Variants in PALD1 observed in about 807,000 individuals in gnomAD.
PALD1 encodes phosphatase domain containing paladin 1, also known as paladin.
In PALD1, 57 loss-of-function variants were observed where a neutral mutation model predicts 96.0. That is an observed-to-expected ratio of 0.59 (90% CI 0.48 to 0.74). The LOEUF (loss-of-function observed/expected upper bound fraction) is 0.74. Ranked by LOEUF, PALD1 falls within the 30% of genes least tolerant of loss-of-function variation. The pLI is 0.00. For missense variants in PALD1, 1,063 were observed against 1,143.7 expected, an observed-to-expected ratio of 0.93 and a Z score of 1.02; for synonymous variants, 464 against 473.6, an observed-to-expected ratio of 0.98 and a Z score of 0.26.
At chr10:70,484,427 C>T (rs1419671194) in intron 1 of PALD1, among the ~76,000 whole-genome samples, 2 of 152,180 alleles carry the variant, frequency 1.3e-5, no homozygotes, top group Admixed American at 1.3e-4. Flanking sequence ...AATGTGTTTA[C>T]ATCAAAGAAT....
At chr10:70,555,982 C>G (rs1847601242) in intron 18 of PALD1, among the ~76,000 whole-genome samples, 1 of 152,052 alleles carries the variant, frequency 6.6e-6, no homozygotes, top group Non-Finnish European at 1.5e-5. Context: ...GCCTGGGTGA[C>G]AGAGTGAGAC....
intron 1 of PALD1, among the ~76,000 whole-genome samples, chr10:70,501,834 T>TGTGTGTGC (rs774868338): frequency 2.2e-4 from 33 of 149,498 alleles, no homozygotes; most frequent in African/African-American, 7.6e-4. Flanking sequence ...TGTGTGTGTG[T>TGTGTGTGC]GCGTGCGTGC....
At chr10:70,480,156 G>A (rs1012234495) in intron 1 of PALD1, among the ~76,000 whole-genome samples, 4 of 152,230 alleles carry the variant, frequency 2.6e-5, no homozygotes, top group Non-Finnish European at 4.4e-5. Flanking sequence ...AGCAGCAGGG[G>A]CGCTGAGGAG....
chr10:70,473,484 A>G, the PALD1 span, among the ~76,000 whole-genome samples: 3 of 152,176 alleles, frequency 2.0e-5, no homozygotes, highest in Non-Finnish European at 2.9e-5. Flanking sequence ...TGCAGGGACC[A>G]GAAGAAATGA....
the PALD1 span, among the ~76,000 whole-genome samples, chr10:70,472,585 A>T: frequency 6.6e-6 from 1 of 152,044 alleles, no homozygotes; most frequent in African/African-American, 2.4e-5. Context: ...TAAAGGAGGG[A>T]GAGGGTGGGA....
At chr10:70,510,493 G>A (rs1846490457) in intron 1 of PALD1, among the ~76,000 whole-genome samples, 1 of 152,062 alleles carries the variant, frequency 6.6e-6, no homozygotes, top group Non-Finnish European at 1.5e-5. Flanking sequence ...TAAGGCATTT[G>A]CCCCCAACAC....
intron 18 of PALD1, among the ~76,000 whole-genome samples, chr10:70,547,711 T>C (rs896276106): frequency 6.6e-6 from 1 of 152,202 alleles, no homozygotes; most frequent in Non-Finnish European, 1.5e-5. Flanking sequence ...CAACAACTGC[T>C]GTGGCCCTAG....
At chr10:70,507,144 G>A (rs1468318405) in intron 1 of PALD1, among the ~76,000 whole-genome samples, 1 of 151,902 alleles carries the variant, frequency 6.6e-6, no homozygotes, top group Non-Finnish European at 1.5e-5. Context: ...GCTCGTGCCT[G>A]TAATCCTAGC....
In PALD1 at chr10:70,530,024, G is replaced by C; in HGVS notation, c.424G>C (p.Gly142Arg). 1 of 1,560,098 alleles carries C rather than the reference G, an allele frequency of 6.4e-7. No homozygotes were observed. The highest frequency in any genetic ancestry group is 8.7e-7 in the Non-Finnish European group (1 of 1,154,712). Residue 142 changes from glycine to arginine, a missense_variant, in exon 4 of 20, where the codon GGG becomes CGG. By Grantham distance (125) the Gly-to-Arg change is moderately radical. Coordinates refer to ENST00000263563, the MANE Select transcript of PALD1 (RefSeq NM_014431.3). ...CGGCATGGGACAGCCCAGCCTCTCA[G>C]GGTTCAGGCGGGTCCTCCAGAAACT... Reference protein sequence around the residue: ...VFGMGQPSLSGFRRVLQKLQK... With the variant: ...VFGMGQPSLSRFRRVLQKLQK...
At chr10:70,473,045 G>C in the PALD1 span, among the ~76,000 whole-genome samples, 1 of 152,194 alleles carries the variant, frequency 6.6e-6, no homozygotes, top group African/African-American at 2.4e-5. Flanking sequence ...ACAGCTAAGT[G>C]GCAGAAACCA....
chr10:70,477,228 C>T (rs1845840619), upstream of PALD1, among the ~76,000 whole-genome samples: 1 of 152,114 alleles, frequency 6.6e-6, no homozygotes, highest in African/African-American at 2.4e-5. Context: ...AAACTGTGGC[C>T]CAGGATGGAG....
chr10:70,541,365 G>A, intron 16 of PALD1, 98 bp from the exon 17 acceptor site: 2 of 1,522,710 alleles, frequency 1.3e-6, no homozygotes, highest in Non-Finnish European at 1.8e-6. Flanking sequence ...TGGTCCCAGA[G>A]CCCCTTCCAT....
intron 19 of PALD1, among the ~76,000 whole-genome samples, chr10:70,565,934 C>T (rs542447889): frequency 2.6e-5 from 4 of 152,288 alleles, no homozygotes; most frequent in African/African-American, 7.2e-5. Flanking sequence ...GGAGGGCTGC[C>T]GGTCCAGGCA....
chr10:70,506,746 C>T (rs972205668), intron 1 of PALD1, among the ~76,000 whole-genome samples: 3 of 152,278 alleles, frequency 2.0e-5, no homozygotes, highest in South Asian at 2.1e-4. Context: ...CACGACTCAT[C>T]GAGAGACCCA....
chr10:70,554,119 G>T (rs12415415), intron 18 of PALD1, among the ~76,000 whole-genome samples: 26,653 of 152,208 alleles, frequency 0.18, 2,718 homozygotes, highest in Admixed American at 0.29. Flanking sequence ...GGGGCCAGAT[G>T]CTTGGGGCAT....
At chr10:70,474,884 G>T (rs180691566), upstream of PALD1, among the ~76,000 whole-genome samples, 2 of 152,314 alleles carry the variant, frequency 1.3e-5, no homozygotes, top group Admixed American at 6.5e-5. Flanking sequence ...GGATTCCAGA[G>T]TGGACAGAGA....
At chr10:70,472,365 A>G in the PALD1 span, among the ~76,000 whole-genome samples, 3 of 152,086 alleles carry the variant, frequency 2.0e-5, no homozygotes, top group African/African-American at 7.2e-5. Context: ...GGTTCAAGCG[A>G]TTCTCCTGCC....
intron 7 of PALD1, among the ~76,000 whole-genome samples, chr10:70,533,505 C>T (rs991661509): frequency 1.3e-5 from 2 of 152,150 alleles, no homozygotes; most frequent in African/African-American, 2.4e-5. Flanking sequence ...TGTGTGGTCC[C>T]GGACTAATCA....
intron 1 of PALD1, 90 bp from the exon 2 acceptor site, chr10:70,525,833 C>G: frequency 9.9e-7 from 1 of 1,007,150 alleles, no homozygotes; most frequent in South Asian, 1.4e-5. Flanking sequence ...AGCTGCCTTT[C>G]TCTGTATGGT....
Sources: gnomAD v4.1 joint callset for allele counts (sites outside exome capture counted in the v4.1 genomes callset) on GRCh38, gnomAD v4.1.1 for gene constraint, MANE v1.5 for transcripts, NCBI Gene and HGNC (gene_info 2026-07-23, HGNC 2026-07-21) for gene names.